Variants in ZNF407 observed in about 807,000 individuals in gnomAD.
ZNF407 encodes the protein zinc finger protein 407.
A neutral mutation model predicts 131.2 loss-of-function variants in ZNF407; 17 were observed. That is an observed-to-expected ratio of 0.13 (90% CI 0.09 to 0.19). The LOEUF is 0.19. Ranked by LOEUF, ZNF407 falls within the 10% of genes least tolerant of loss-of-function variation. ZNF407 has a pLI of 1.00. For missense variants in ZNF407, 2,681 were observed against 2,830.6 expected (o/e 0.95, Z 1.20); for synonymous variants, 1,156 against 1,062.0 (o/e 1.09, Z -1.72).
At chr18:74,910,383 G>C (rs1029369902) in intron 7 of ZNF407, among the ~76,000 whole-genome samples, 1 of 151,936 alleles carries the variant, frequency 6.6e-6, no homozygotes, top group Non-Finnish European at 1.5e-5. Flanking sequence ...TATAGATTCA[G>C]GTGGACTCTC....
intron 3 of ZNF407, among the ~76,000 whole-genome samples, chr18:74,672,069 A>T (rs376838152): frequency 6.6e-6 from 1 of 152,124 alleles, no homozygotes; most frequent in Non-Finnish European, 1.5e-5. Context: ...TCCTCTGGGT[A>T]TATACCTAGT....
intron 8 of ZNF407, among the ~76,000 whole-genome samples, chr18:74,938,025 G>T (rs969658439): frequency 6.6e-6 from 1 of 152,132 alleles, no homozygotes; most frequent in Non-Finnish European, 1.5e-5. Context: ...GACTTCTGCA[G>T]TTGTGTTTCA....
Position 75,031,781 on chromosome 18 carries a change from G to A in ZNF407, c.5429-31369G>A, listed in dbSNP as rs576307496. 1.9e-3 allele frequency among the ~76,000 whole-genome samples: 291 copies of A among 152,232 alleles called. 4 individuals carry two copies. Among genetic ancestry groups the A allele is most frequent in the African/African-American group, 6.5e-3 (268 of 41,534 alleles). On this transcript the variant is annotated intron_variant, in intron 8 of 8. Coordinates refer to ENST00000299687, the MANE Select transcript of ZNF407 (RefSeq NM_017757.3). ...CATAATAACCAAAGTTGTACACAAG[G>A]TAATGTTCCAGGAATTGTGGGCAAT...
chr18:74,615,910 C>G (rs1599132074), intron 1 of ZNF407, among the ~76,000 whole-genome samples: 2 of 151,772 alleles, frequency 1.3e-5, no homozygotes, highest in African/African-American at 4.8e-5. Context: ...TTTGTCCGGG[C>G]TGGAGTGCAA....
chr18:74,994,999 T>C (rs1211253467), intron 8 of ZNF407, among the ~76,000 whole-genome samples: 1 of 152,234 alleles, frequency 6.6e-6, no homozygotes, highest in African/African-American at 2.4e-5. Context: ...TCTGCAGCTG[T>C]ATTCATTTTA....
chr18:75,058,304 T>G (rs1347734504), intron 8 of ZNF407, among the ~76,000 whole-genome samples: 1 of 152,200 alleles, frequency 6.6e-6, no homozygotes, highest in Non-Finnish European at 1.5e-5. Flanking sequence ...TAACTACCTT[T>G]TTATTCCATC....
chr18:75,001,683 A>G (rs1274499038), intron 8 of ZNF407, among the ~76,000 whole-genome samples: 1 of 152,226 alleles, frequency 6.6e-6, no homozygotes, highest in Non-Finnish European at 1.5e-5. Flanking sequence ...GTCAATTCGC[A>G]TGTGAAAATC....
At chr18:74,706,822 C>T (rs770642933) in intron 3 of ZNF407, among the ~76,000 whole-genome samples, 6 of 152,250 alleles carry the variant, frequency 3.9e-5, no homozygotes, top group East Asian at 1.9e-4. Flanking sequence ...CCTCATTCTC[C>T]GTGATGGACA....
At chr18:74,607,224 C>T (rs1982846851) in intron 1 of ZNF407, among the ~76,000 whole-genome samples, 2 of 152,160 alleles carry the variant, frequency 1.3e-5, no homozygotes, top group African/African-American at 4.8e-5. Context: ...ACTGGCTCAG[C>T]AGGCCAGGGC....
intron 8 of ZNF407, among the ~76,000 whole-genome samples, chr18:75,016,687 T>C (rs890400945): frequency 1.3e-5 from 2 of 152,182 alleles, no homozygotes; most frequent in Non-Finnish European, 2.9e-5. Flanking sequence ...TGTGAGTAAT[T>C]TTAATAGTGA....
intron 6 of ZNF407, among the ~76,000 whole-genome samples, chr18:74,884,798 T>C (rs1429134907): frequency 6.6e-6 from 1 of 152,184 alleles, no homozygotes; most frequent in Non-Finnish European, 1.5e-5. Flanking sequence ...TAAGAGGTTA[T>C]GTTAAACTAC....
At chr18:74,748,037 C>T (rs899011394) in intron 3 of ZNF407, among the ~76,000 whole-genome samples, 1 of 151,986 alleles carries the variant, frequency 6.6e-6, no homozygotes, top group African/African-American at 2.4e-5. Context: ...AGCTGTCAGG[C>T]ATTAGAAAAT....
rs1208094184 is a variant in ZNF407 at position 74,634,105 on chromosome 18, C to G, written c.3086C>G (p.Ser1029Cys). The G allele has an allele frequency of 1.9e-6, 3 of 1,614,046 alleles. No individual in the cohort carries two copies. Among genetic ancestry groups the G allele is most frequent in the East Asian group, 2.2e-5 (1 of 44,878 alleles). Reference protein sequence around the residue: ...CLHCEFSAHSSASLELHVKRK... With the variant: ...CLHCEFSAHSCASLELHVKRK... ...CACTGTGAGTTTAGTGCTCACTCCTCTGCTTCTCTAGAGCTGCATGTAAAA... is the reference window on the plus strand; with the variant it reads ...CACTGTGAGTTTAGTGCTCACTCCTGTGCTTCTCTAGAGCTGCATGTAAAA... Residue 1029 changes from serine (S) to cysteine (C), a missense_variant, in exon 2 of 9, where the codon TCT becomes TGT. Physicochemically the swap from Ser to Cys is moderately radical, Grantham distance 112. This residue lies in a region of ZNF407 where 1,789 missense variants were observed against 1,748.7 expected (regional missense o/e 1.02). Coordinates refer to ENST00000299687, the MANE Select transcript of ZNF407 (RefSeq NM_017757.3).
At chr18:75,047,104 A>G (rs140591921) in intron 8 of ZNF407, among the ~76,000 whole-genome samples, 16 of 152,370 alleles carry the variant, frequency 1.1e-4, no homozygotes, top group Admixed American at 9.8e-4. Flanking sequence ...CAAATATTGA[A>G]TAATACAAGC....
chr18:74,600,087 A>C (rs562524247), intron 1 of ZNF407, among the ~76,000 whole-genome samples: 1 of 152,300 alleles, frequency 6.6e-6, no homozygotes, highest in Admixed American at 6.5e-5. Context: ...TAGACAAGCA[A>C]ATGCGCATTG....
chr18:75,000,713 A>G (rs1453819037), intron 8 of ZNF407, among the ~76,000 whole-genome samples: 2 of 152,126 alleles, frequency 1.3e-5, no homozygotes, highest in African/African-American at 2.4e-5. Flanking sequence ...TATATATTTT[A>G]TTAATGCAAA....
intron 8 of ZNF407, among the ~76,000 whole-genome samples, chr18:75,039,099 T>C (rs1371705511): frequency 8.5e-5 from 13 of 152,246 alleles, no homozygotes; most frequent in Admixed American, 8.5e-4. Flanking sequence ...AAGCAGTGAA[T>C]TAAGCAGGCT....
chr18:74,753,864 G>A (rs1336226361), intron 3 of ZNF407, among the ~76,000 whole-genome samples: 2 of 152,140 alleles, frequency 1.3e-5, no homozygotes, highest in Non-Finnish European at 2.9e-5. Context: ...GATGATGCTG[G>A]CCTCATAAAA....
At chr18:74,899,945 A>G (rs1381682753) in intron 7 of ZNF407, among the ~76,000 whole-genome samples, 1 of 152,232 alleles carries the variant, frequency 6.6e-6, no homozygotes, top group Non-Finnish European at 1.5e-5. Flanking sequence ...GCTCTGTGAA[A>G]ACACTGGGCC....
Sources: gnomAD v4.1 joint callset for allele counts (sites outside exome capture counted in the v4.1 genomes callset) on GRCh38, gnomAD v4.1.1 for gene constraint, gnomAD v4.1.1 regional missense constraint, MANE v1.5 for transcripts, NCBI Gene and HGNC (gene_info 2026-07-23, HGNC 2026-07-21) for gene names.